SARDH: variants seen among roughly 807,000 people sequenced by gnomAD.
The protein encoded by SARDH is sarcosine dehydrogenase.
Under a neutral mutation model 109.1 loss-of-function variants are expected in SARDH, and 95 were observed. The ratio of observed to expected loss-of-function variants is 0.87; its 90% CI spans 0.74 to 1.03. The LOEUF (loss-of-function observed/expected upper bound fraction) is 1.03. Ranked by LOEUF, SARDH falls within the 50% of genes least tolerant of loss-of-function variation. The pLI is 0.00. For synonymous variants in SARDH, 572 were observed against 534.8 expected (o/e 1.07, Z -0.96); for missense variants, 1,267 against 1,287.8 (o/e 0.98, Z 0.25).
chr9:133,731,479 G>A lies in SARDH; in HGVS notation c.516C>T (p.Gly172=). The change falls in exon 4 of 21, where the codon GGC becomes GGT. Residue 172 remains glycine (G), a synonymous_variant. Coordinates refer to ENST00000439388, the MANE Select transcript of SARDH (RefSeq NM_001134707.2). Reference sequence around the variant, plus strand: ...CATGGGATTCCACACCATACGCCTTGCCCAGCTAGGGGGACCCAGGGGAGG... The same window carrying A: ...CATGGGATTCCACACCATACGCCTTACCCAGCTAGGGGGACCCAGGGGAGG... ...LDEYKRLMSL[G]KAYGVESHVL... is the part of the protein sequence containing the mutation. The A allele has an allele frequency of 6.2e-7, 1 of 1,614,084 alleles. No individual in the cohort carries two copies. Among genetic ancestry groups the A allele is most frequent in the Non-Finnish European group, 8.5e-7 (1 of 1,179,956 alleles).
At chr9:133,729,439 A>C (rs1005355022) in intron 6 of SARDH, among the ~76,000 whole-genome samples, 10 of 151,948 alleles carry the variant, frequency 6.6e-5, no homozygotes, top group South Asian at 4.2e-4. Context: ...CTTCCCCGAA[A>C]CTCCTGGGCA....
At chr9:133,721,364 G>C (rs761590220) in intron 6 of SARDH, among the ~76,000 whole-genome samples, 2 of 152,234 alleles carry the variant, frequency 1.3e-5, no homozygotes, top group Non-Finnish European at 2.9e-5. Context: ...ATCCTGTCAA[G>C]CCATCAATCG....
intron 1 of SARDH, among the ~76,000 whole-genome samples, chr9:133,734,540 C>A (rs564191395): frequency 6.6e-6 from 1 of 152,260 alleles, no homozygotes; most frequent in East Asian, 1.9e-4. Flanking sequence ...CCGGGAGCAA[C>A]CTTGGTGAGG....
chr9:133,678,697 T>C lies in SARDH; in HGVS notation c.2163+6496A>G, dbSNP rs906331623. 3.5e-4 allele frequency among the ~76,000 whole-genome samples: 53 copies of C among 152,214 alleles called. 1 individual carries two copies. Among genetic ancestry groups the C allele is most frequent in the African/African-American group, 1.3e-3 (53 of 41,546 alleles). On this transcript the variant is annotated intron_variant, in intron 17 of 20. Coordinates refer to ENST00000439388, the MANE Select transcript of SARDH (RefSeq NM_001134707.2). ...TCCCCACAGTCCATCCCCACAGGCA[T>C]CCCCTGCCGTCCAACACCTGTCCAC... is the stretch of plus-strand genomic sequence containing the variant.
chr9:133,670,213 C>A (rs1830289336), intron 19 of SARDH, among the ~76,000 whole-genome samples: 1 of 151,942 alleles, frequency 6.6e-6, no homozygotes, highest in African/African-American at 2.4e-5. Flanking sequence ...CCTGTAATCC[C>A]AGCTACTTGG....
intron 13 of SARDH, among the ~76,000 whole-genome samples, chr9:133,699,713 C>T (rs1163833982): frequency 6.6e-6 from 1 of 152,104 alleles, no homozygotes; most frequent in Non-Finnish European, 1.5e-5. Context: ...ATCAAAAAGT[C>T]AGATAATAAT....
At position 133,693,507 on chromosome 9, in the gene SARDH, A is replaced by T. The variant is rs1355935484; in HGVS notation, c.1921+751T>A. On this transcript the variant is annotated intron_variant, in intron 15 of 20. Coordinates refer to ENST00000439388, the MANE Select transcript of SARDH (RefSeq NM_001134707.2). The surrounding 1 kb of genome is among the most constrained non-coding windows in gnomAD (Gnocchi z 5.6). ...CCCCGGGGACAGCACAGAGAGCTGCACGGTCAGCACCTTCCCCTGTGCAGG... is the reference window on the plus strand; with the variant it reads ...CCCCGGGGACAGCACAGAGAGCTGCTCGGTCAGCACCTTCCCCTGTGCAGG... Among the ~76,000 whole-genome samples the T allele has an allele frequency of 2.6e-5, 4 of 152,202 alleles. No individual in the cohort carries two copies. The highest frequency in any genetic ancestry group is 2.6e-4 in the Admixed American group (4 of 15,288).
intron 13 of SARDH, among the ~76,000 whole-genome samples, chr9:133,700,220 G>C (rs1047696874): frequency 6.6e-6 from 1 of 152,152 alleles, no homozygotes; most frequent in African/African-American, 2.4e-5. Flanking sequence ...CCAGCTACTT[G>C]GGAGGCTGAG....
At chr9:133,676,876 C>T (rs1183539283) in intron 17 of SARDH, among the ~76,000 whole-genome samples, 2 of 152,214 alleles carry the variant, frequency 1.3e-5, no homozygotes, top group African/African-American at 4.8e-5. Flanking sequence ...CAGTGGCTCA[C>T]GCCTGCAATC....
intron 18 of SARDH, 36 bp from the exon 19 acceptor site, chr9:133,670,788 T>C: frequency 1.3e-6 from 2 of 1,529,546 alleles, no homozygotes; most frequent in Non-Finnish European, 1.8e-6. Flanking sequence ...GGTGCCACCC[T>C]GAGGGGGATA....
intron 6 of SARDH, among the ~76,000 whole-genome samples, chr9:133,724,040 G>A (rs908357577): frequency 1.3e-5 from 2 of 152,176 alleles, no homozygotes; most frequent in Non-Finnish European, 2.9e-5. Context: ...GTTGGGAAAT[G>A]TCTTCTTAAA....
chr9:133,696,849 T>C (rs1831306004), intron 13 of SARDH, among the ~76,000 whole-genome samples: 1 of 152,170 alleles, frequency 6.6e-6, no homozygotes, highest in African/African-American at 2.4e-5. Context: ...GGGAAATTTC[T>C]GCTTGTATGT....
At chr9:133,710,488 C>A (rs894694747) in intron 10 of SARDH, among the ~76,000 whole-genome samples, 1 of 152,254 alleles carries the variant, frequency 6.6e-6, no homozygotes, top group Non-Finnish European at 1.5e-5. Flanking sequence ...GGGACGCCCC[C>A]TCGCTGTGCG....
intron 6 of SARDH, among the ~76,000 whole-genome samples, chr9:133,719,456 A>G (rs1389559177): frequency 6.6e-6 from 1 of 152,064 alleles, no homozygotes; most frequent in Non-Finnish European, 1.5e-5. Flanking sequence ...GGGCTGGAGG[A>G]GAGGGAGACT....
chr9:133,732,501 G>T lies in SARDH; in HGVS notation c.432C>A (p.His144Gln). The change falls in exon 3 of 21, where the codon CAC (histidine) becomes CAA (glutamine). Residue 144 changes from histidine to glutamine, a missense_variant. Coordinates refer to ENST00000439388, the MANE Select transcript of SARDH (RefSeq NM_001134707.2). ...GGCCCCCATTCTGGATCCAGCCCGT[G>T]TGTAGTCCCGTCTCCTCCTCCAGCT... ...SRELEEETGLHTGWIQNGGLF... is the reference protein window; with the variant it reads ...SRELEEETGLQTGWIQNGGLF... 1 of 1,613,896 alleles carries T rather than the reference G, an allele frequency of 6.2e-7. No homozygotes were observed. Among genetic ancestry groups the T allele is most frequent in the Non-Finnish European group, 8.5e-7 (1 of 1,179,926 alleles).
Position 133,734,531 on chromosome 9 carries a change from C to T in SARDH, c.-30-328G>A, listed in dbSNP as rs756862199. Reference sequence around the variant, plus strand: ...GTATGCAGCAGGCTCTGTCAGTGCCCGGGAGCAACCTTGGTGAGGATAGGT... The same window carrying T: ...GTATGCAGCAGGCTCTGTCAGTGCCTGGGAGCAACCTTGGTGAGGATAGGT... On this transcript the variant is annotated intron_variant, in intron 1 of 20. Transcript: ENST00000439388. Among the ~76,000 whole-genome samples the T allele has an allele frequency of 5.9e-5, 9 of 152,254 alleles. 1 individual carries two copies. The highest frequency in any genetic ancestry group is 1.9e-4 in the African/African-American group (8 of 41,536).
chr9:133,677,454 G>A (rs1830557179), intron 17 of SARDH, among the ~76,000 whole-genome samples: 1 of 152,160 alleles, frequency 6.6e-6, no homozygotes, highest in South Asian at 2.1e-4. Flanking sequence ...CCAGGTGGGG[G>A]TCAAGCTGAG....
chr9:133,696,081 G>C, intron 14 of SARDH, 142 bp downstream of exon 14: 2 of 951,380 alleles, frequency 2.1e-6, no homozygotes, highest in Non-Finnish European at 3.1e-6. Context: ...GCCGGACGGG[G>C]GGGAGCTCAA....
At chr9:133,732,734 G>T (rs950190828) in intron 2 of SARDH, 133 bp from the exon 3 acceptor site, 1 of 998,782 alleles carries the variant, frequency 1.0e-6, no homozygotes, top group Non-Finnish European at 1.4e-6. Context: ...TGCAGGACCT[G>T]GGGGGCCTGG....
Sources: gnomAD v4.1 joint callset for allele counts (sites outside exome capture counted in the v4.1 genomes callset) on GRCh38, gnomAD v4.1.1 for gene constraint, Gnocchi (gnomAD v3.1) non-coding constraint, MANE v1.5 for transcripts, NCBI Gene and HGNC (gene_info 2026-07-23, HGNC 2026-07-21) for gene names.